ANKRD31: variants seen among roughly 807,000 people sequenced by gnomAD.
The protein encoded by ANKRD31 is ankyrin repeat domain 31, also known as ankyrin repeat domain-containing protein 31.
A neutral mutation model predicts 186.0 loss-of-function variants in ANKRD31; 147 were observed. The observed-to-expected ratio is 0.79, with a 90% CI of 0.69 to 0.91. The LOEUF (loss-of-function observed/expected upper bound fraction) is 0.91, where lower values mean the gene tolerates loss of function less well. Among genes scored for constraint, ANKRD31 ranks in the 40% least tolerant of loss-of-function variants. The probability of loss-of-function intolerance (pLI) is 0.00; values close to 1 mark genes in which losing one functional copy is unlikely to be tolerated. For missense variants in ANKRD31, 1,986 were observed against 2,148.8 expected (o/e 0.92, Z 1.50); for synonymous variants, 673 against 736.4 (o/e 0.91, Z 1.39).
rs529972339 is a variant in ANKRD31 at position 75,217,544 on chromosome 5, T to C, written c.288+4705A>G. Among the ~76,000 whole-genome samples the C allele has an allele frequency of 1.3e-3, 204 of 152,300 alleles. 1 individual carries two copies. The highest frequency in any genetic ancestry group is 1.9e-3 in the Admixed American group (29 of 15,296). On this transcript the variant is annotated intron_variant, in intron 3 of 25. Transcript: ENST00000506364. ...TTTGTCTTTTTTGATCTTTGTTGCT[T>C]AAAGGCTGTTTTGTCTGAAATTAGG... is the stretch of plus-strand genomic sequence containing the variant.
chr5:75,174,507 G>A (rs1753613726), intron 10 of ANKRD31, among the ~76,000 whole-genome samples: 1 of 152,104 alleles, frequency 6.6e-6, no homozygotes, highest in African/African-American at 2.4e-5. Flanking sequence ...GTAATATCCA[G>A]AATCTACAAG....
intron 17 of ANKRD31, among the ~76,000 whole-genome samples, chr5:75,128,972 A>C (rs924928948): frequency 1.3e-5 from 2 of 152,202 alleles, no homozygotes; most frequent in African/African-American, 4.8e-5. Flanking sequence ...AAGGGCTTCT[A>C]ACATGGTTTG....
At chr5:75,209,707 T>C (rs1026180476) in intron 4 of ANKRD31, among the ~76,000 whole-genome samples, 1 of 152,124 alleles carries the variant, frequency 6.6e-6, no homozygotes, top group African/African-American at 2.4e-5. Context: ...CATAGCAGTA[T>C]GCACAGAAAT....
intron 17 of ANKRD31, among the ~76,000 whole-genome samples, chr5:75,133,111 G>C (rs1750015308): frequency 6.6e-6 from 1 of 152,124 alleles, no homozygotes; most frequent in African/African-American, 2.4e-5. Flanking sequence ...CAACTAACGA[G>C]CAAAATAACC....
chr5:75,095,269 A>T (rs1172634718), intron 22 of ANKRD31, among the ~76,000 whole-genome samples: 1 of 152,034 alleles, frequency 6.6e-6, no homozygotes, highest in East Asian at 1.9e-4. Flanking sequence ...AGAGATCAAG[A>T]CCATCCTGGC....
At position 75,135,631 on chromosome 5, in the gene ANKRD31, A is replaced by G. The variant is rs570378937; in HGVS notation, c.3876+2225T>C. On this transcript the variant is annotated intron_variant, in intron 17 of 25. Coordinates refer to ENST00000506364, the MANE Select transcript of ANKRD31 (RefSeq NM_001372053.1). ...GATTCAATGCCATCCCCATCAAGCTACCAATGACTTTCTTCACAGAATTGG... is the reference window on the plus strand; with the variant it reads ...GATTCAATGCCATCCCCATCAAGCTGCCAATGACTTTCTTCACAGAATTGG... 5.8e-4 allele frequency among the ~76,000 whole-genome samples: 89 copies of G among 152,296 alleles called. 1 individual carries two copies. The highest frequency in any genetic ancestry group is 2.0e-3 in the African/African-American group (85 of 41,562).
intron 3 of ANKRD31, 102 bp downstream of exon 3, chr5:75,222,147 A>G (rs1182243796): frequency 1.2e-6 from 1 of 826,724 alleles, no homozygotes; most frequent in Non-Finnish European, 1.7e-6. Flanking sequence ...AGAGGAAAGA[A>G]GCAAAATATA....
chr5:75,205,762 C>G (rs1019036308), intron 5 of ANKRD31, among the ~76,000 whole-genome samples: 1 of 152,060 alleles, frequency 6.6e-6, no homozygotes, highest in Non-Finnish European at 1.5e-5. Flanking sequence ...TCATTAAACA[C>G]TATAAATATT....
At chr5:75,107,105 G>C (rs994462287) in intron 21 of ANKRD31, among the ~76,000 whole-genome samples, 3 of 151,926 alleles carry the variant, frequency 2.0e-5, no homozygotes, top group African/African-American at 7.2e-5. Flanking sequence ...AGGACCTTGA[G>C]ATTTTAGAAA....
intron 10 of ANKRD31, among the ~76,000 whole-genome samples, chr5:75,185,640 T>C (rs1271570303): frequency 6.6e-6 from 1 of 152,080 alleles, no homozygotes; most frequent in Non-Finnish European, 1.5e-5. Context: ...AAAGAGGTAT[T>C]GCATGTCTTG....
At chr5:75,082,090 A>G (rs1196547276) in intron 24 of ANKRD31, among the ~76,000 whole-genome samples, 3 of 152,228 alleles carry the variant, frequency 2.0e-5, no homozygotes, top group Non-Finnish European at 4.4e-5. Flanking sequence ...TAATGTTACC[A>G]GTTATTAATA....
intron 5 of ANKRD31, among the ~76,000 whole-genome samples, chr5:75,201,444 T>C (rs1430651318): frequency 3.3e-5 from 5 of 152,202 alleles, no homozygotes; most frequent in African/African-American, 1.2e-4. Context: ...AAATAATAGA[T>C]ACATCTTCAA....
chr5:75,085,316 G>A (rs1745398428), intron 23 of ANKRD31, among the ~76,000 whole-genome samples: 1 of 152,108 alleles, frequency 6.6e-6, no homozygotes. Context: ...GCAGTTCACA[G>A]AGTGCCTGAC....
At chr5:75,144,273 G>C (rs1208022269) in intron 14 of ANKRD31, 102 bp from the exon 15 acceptor site, 3 of 391,226 alleles carry the variant, frequency 7.7e-6, no homozygotes, top group Non-Finnish European at 1.4e-5. Context: ...TTCCACACTG[G>C]ACTGTTTAAG....
At chr5:75,150,614 T>C (rs980744801) in intron 12 of ANKRD31, among the ~76,000 whole-genome samples, 2 of 151,932 alleles carry the variant, frequency 1.3e-5, no homozygotes, top group African/African-American at 2.4e-5. Flanking sequence ...TGGAGAAATG[T>C]TTGGGATTCC....
intron 22 of ANKRD31, among the ~76,000 whole-genome samples, chr5:75,099,273 G>T (rs1460075707): frequency 1.3e-5 from 2 of 152,196 alleles, no homozygotes; most frequent in Non-Finnish European, 2.9e-5. Context: ...GCATCCCAGG[G>T]ATGAAGCCCA....
At chr5:75,165,281 C>T (rs748166308) in intron 11 of ANKRD31, among the ~76,000 whole-genome samples, 11 of 152,190 alleles carry the variant, frequency 7.2e-5, no homozygotes, top group Non-Finnish European at 1.3e-4. Flanking sequence ...AGTATTCTGA[C>T]TCTTCATCCC....
chr5:75,173,126 C>G (rs1327837362), intron 10 of ANKRD31, among the ~76,000 whole-genome samples: 1 of 152,028 alleles, frequency 6.6e-6, no homozygotes, highest in Non-Finnish European at 1.5e-5. Context: ...AACAGAACCA[C>G]TGACACAAAC....
chr5:75,122,658 T>C lies in ANKRD31; in HGVS notation c.3877-4361A>G, dbSNP rs1359589974. On this transcript the variant is annotated intron_variant, in intron 17 of 25. Transcript: ENST00000506364. The stretch of plus-strand genomic sequence containing the variant: ...AAACCAATAAATGTGATTTATTACA[T>C]AAACACAATTAAAGACAAAAATTAC... Among the ~76,000 whole-genome samples the C allele has an allele frequency of 2.6e-5, 4 of 152,076 alleles. 1 individual carries two copies. In the East Asian group the frequency reaches 7.7e-4, roughly 29 times the overall value.
Sources: gnomAD v4.1 joint callset for allele counts (sites outside exome capture counted in the v4.1 genomes callset) on GRCh38, gnomAD v4.1.1 for gene constraint, MANE v1.5 for transcripts, NCBI Gene and HGNC (gene_info 2026-07-23, HGNC 2026-07-21) for gene names.